Variants in PDE10A observed in about 807,000 individuals in gnomAD.
The protein encoded by PDE10A is cAMP and cAMP-inhibited cGMP 3',5'-cyclic phosphodiesterase 10A.
Under a neutral mutation model 97.7 loss-of-function variants are expected in PDE10A, and 39 were observed. The ratio of observed to expected loss-of-function variants is 0.40; its 90% confidence interval spans 0.31 to 0.52. PDE10A has a LOEUF of 0.52. Ranked by LOEUF, PDE10A falls within the 20% of genes least tolerant of loss-of-function variation. PDE10A has a pLI of 0.56. For missense variants in PDE10A, 731 were observed against 1,047.8 expected, an observed-to-expected ratio of 0.70 and a Z score of 4.17; for synonymous variants, 371 against 376.8, an observed-to-expected ratio of 0.98 and a Z score of 0.18.
chr6:165,580,499 G>GT (rs1785551621), intron 1 of PDE10A, among the ~76,000 whole-genome samples: 1 of 152,200 alleles, frequency 6.6e-6, no homozygotes, highest in East Asian at 1.9e-4. Flanking sequence ...TTTACTGTGA[G>GT]TTTCTGAAAC....
At chr6:165,414,571 A>G (rs1788168550) in intron 12 of PDE10A, among the ~76,000 whole-genome samples, 1 of 152,180 alleles carries the variant, frequency 6.6e-6, no homozygotes, top group Admixed American at 6.5e-5. Flanking sequence ...TTCCCAGTTA[A>G]TGGACAATAT....
intron 3 of PDE10A, among the ~76,000 whole-genome samples, chr6:165,468,368 G>A (rs987330171): frequency 2.0e-5 from 3 of 151,962 alleles, no homozygotes; most frequent in Non-Finnish European, 2.9e-5. Flanking sequence ...GATTACAGGC[G>A]TGAGCCACTG....
intron 1 of PDE10A, among the ~76,000 whole-genome samples, chr6:165,621,973 T>C (rs1475178156): frequency 6.6e-6 from 1 of 152,156 alleles, no homozygotes; most frequent in Admixed American, 6.5e-5. Flanking sequence ...AAAATGTGAT[T>C]AACATTTAAA....
intron 1 of PDE10A, chr6:165,660,559 C>G: frequency 6.6e-6 from 1 of 152,486 alleles, no homozygotes; most frequent in East Asian, 1.9e-4. Context: ...GGCGCGAATA[C>G]GCTCGCCAGC....
chr6:165,576,384 T>C (rs944729706), intron 1 of PDE10A: 2 of 780,618 alleles, frequency 2.6e-6, no homozygotes, highest in African/African-American at 3.4e-5. Context: ...TCTAAATTTC[T>C]TTTGCTGGCT....
At chr6:165,569,041 C>A (rs1057261245) in intron 1 of PDE10A, among the ~76,000 whole-genome samples, 1 of 152,158 alleles carries the variant, frequency 6.6e-6, no homozygotes, top group Admixed American at 6.5e-5. Flanking sequence ...TCACAGACAA[C>A]AGTACAAATG....
At chr6:165,783,455 A>T (rs960924904) in intron 1 of PDE10A, among the ~76,000 whole-genome samples, 1 of 152,252 alleles carries the variant, frequency 6.6e-6, no homozygotes, top group Non-Finnish European at 1.5e-5. Context: ...AAATTAAGAA[A>T]CAGAAATGAG....
At chr6:165,518,309 G>A (rs1014284220) in intron 2 of PDE10A, among the ~76,000 whole-genome samples, 2 of 152,286 alleles carry the variant, frequency 1.3e-5, no homozygotes, top group Admixed American at 6.5e-5. Context: ...TTCTGCAATT[G>A]CAGTTACCCA....
At chr6:165,763,375 C>T (rs534204908) in intron 1 of PDE10A, among the ~76,000 whole-genome samples, 10 of 152,186 alleles carry the variant, frequency 6.6e-5, no homozygotes, top group South Asian at 4.1e-4. Flanking sequence ...CAGGCTGGAA[C>T]GCAGTGGCAT....
intron 2 of PDE10A, among the ~76,000 whole-genome samples, chr6:165,533,397 C>A (rs1438332865): frequency 6.6e-6 from 1 of 152,136 alleles, no homozygotes; most frequent in Admixed American, 6.5e-5. Context: ...GGCTCCAAAC[C>A]TGTACAGCAT....
intron 1 of PDE10A, among the ~76,000 whole-genome samples, chr6:165,724,186 G>A (rs1201789963): frequency 6.6e-6 from 1 of 152,150 alleles, no homozygotes. Flanking sequence ...AGGAAAAATT[G>A]GAAAGTTTAT....
At chr6:165,486,168 C>A (rs1289982242) in intron 2 of PDE10A, among the ~76,000 whole-genome samples, 1 of 152,138 alleles carries the variant, frequency 6.6e-6, no homozygotes, top group African/African-American at 2.4e-5. Flanking sequence ...ATGTTGACAG[C>A]AAGGCAACAA....
At chr6:165,607,181 C>T (rs1353702236) in intron 1 of PDE10A, among the ~76,000 whole-genome samples, 2 of 152,162 alleles carry the variant, frequency 1.3e-5, no homozygotes, top group East Asian at 1.9e-4. Context: ...GCACAGGTCT[C>T]GTCTGCACAA....
At chr6:165,343,261 C>T in intron 19 of PDE10A, 130 bp downstream of exon 19, 2 of 678,330 alleles carry the variant, frequency 2.9e-6, no homozygotes, top group Non-Finnish European at 5.3e-6. Context: ...GTGCTAAATC[C>T]TTCAGTATGT....
chr6:165,494,186 G>A (rs1780388720), intron 2 of PDE10A, among the ~76,000 whole-genome samples: 1 of 152,098 alleles, frequency 6.6e-6, no homozygotes, highest in Admixed American at 6.6e-5. Context: ...TGGAGTGGAT[G>A]TGGTGGAAAG....
chr6:165,429,261 T>C (rs1371537492), intron 9 of PDE10A, among the ~76,000 whole-genome samples: 1 of 151,910 alleles, frequency 6.6e-6, no homozygotes, highest in Non-Finnish European at 1.5e-5. Context: ...GAACAGCGAG[T>C]AAATGTTTCA....
chr6:165,822,936 G>A (rs899280952), intron 1 of PDE10A, among the ~76,000 whole-genome samples: 1 of 151,900 alleles, frequency 6.6e-6, no homozygotes, highest in African/African-American at 2.4e-5. Context: ...CCAGGTTCAC[G>A]CCATTTTCCT....
At chr6:165,773,075 T>TTCAA (rs1451525807) in intron 1 of PDE10A, 13 of 152,350 alleles carry the variant, frequency 8.5e-5, no homozygotes, top group South Asian at 4.1e-4. Context: ...TCTTTTCAGA[T>TTCAA]TCAAATTAAA....
intron 2 of PDE10A, among the ~76,000 whole-genome samples, chr6:165,501,444 C>T (rs1418809589): frequency 6.6e-6 from 1 of 152,008 alleles, no homozygotes; most frequent in East Asian, 1.9e-4. Flanking sequence ...GCCTGTAGTC[C>T]CAGCTACTCA....
Sources: allele counts gnomAD v4.1 joint callset (sites outside exome capture counted in the v4.1 genomes callset), GRCh38; gene constraint gnomAD v4.1.1; transcripts MANE v1.5; gene names NCBI Gene and HGNC (gene_info 2026-07-23, HGNC 2026-07-21).